CFAP70: variants seen among roughly 807,000 people sequenced by gnomAD.
The protein encoded by CFAP70 is cilia and flagella associated protein 70.
In CFAP70, 81 loss-of-function variants were observed where a neutral mutation model predicts 137.6. That is an observed-to-expected ratio of 0.59 (90% confidence interval 0.49 to 0.71). CFAP70 has a LOEUF of 0.71. Ranked by LOEUF, CFAP70 falls within the 30% of genes least tolerant of loss-of-function variation. The pLI is 0.00. For missense variants in CFAP70, 976 were observed against 1,226.7 expected (o/e 0.80, Z 3.05); for synonymous variants, 382 against 423.6 (o/e 0.90, Z 1.20).
At chr10:73,280,033 ATT>A (rs2047147066) in intron 19 of CFAP70, among the ~76,000 whole-genome samples, 1 of 152,140 alleles carries the variant, frequency 6.6e-6, no homozygotes, top group Admixed American at 6.5e-5. Flanking sequence ...CTTGTTATAA[ATT>A]TGTCTTATCA....
Position 73,275,474 on chromosome 10 carries a change from A to C in CFAP70, c.2645T>G (p.Leu882Arg), listed in dbSNP as rs1311231402. 6.2e-7 allele frequency: 1 copy of C among 1,608,782 alleles called. No homozygotes were observed. Among genetic ancestry groups the C allele is most frequent in the African/African-American group, 1.3e-5 (1 of 74,532 alleles). The stretch of plus-strand genomic sequence containing the variant: ...GTAGTCCATCTGGGCTGCTTGTTGA[A>C]GGTATTCCTCTGCCTTGGCAAAGTT... Residue 882 changes from leucine to arginine, a missense_variant, in exon 22 of 27, where the codon CTT becomes CGT. Coordinates refer to ENST00000310715, the Ensembl canonical transcript of CFAP70. This position sits in a 1 kb window ranked among gnomAD's most constrained non-coding sequence, Gnocchi z 4.0.
At chr10:73,284,997 T>A (rs892358341) in intron 19 of CFAP70, among the ~76,000 whole-genome samples, 4 of 151,564 alleles carry the variant, frequency 2.6e-5, no homozygotes, top group Non-Finnish European at 4.4e-5. Flanking sequence ...CTTCCATTAC[T>A]GTAAATTGAA....
chr10:73,335,385 A>G, intron 7 of CFAP70, 45 bp downstream of exon 8: 1 of 1,283,156 alleles, frequency 7.8e-7, no homozygotes, highest in Non-Finnish European at 1.1e-6. Flanking sequence ...CTTCCCACCT[A>G]CAAGCCTTTG....
At chr10:73,263,917 C>T (rs12416062) in intron 25 of CFAP70, among the ~76,000 whole-genome samples, 1 of 152,094 alleles carries the variant, frequency 6.6e-6, no homozygotes, top group African/African-American at 2.4e-5. Context: ...AGCAGTTGGC[C>T]TTTGACTGTA....
chr10:73,337,384 T>C (rs2052772516), intron 6 of CFAP70, among the ~76,000 whole-genome samples: 1 of 152,164 alleles, frequency 6.6e-6, no homozygotes, highest in Non-Finnish European at 1.5e-5. Flanking sequence ...TTCAGGTGGC[T>C]GAGGCATGAG....
chr10:73,327,862 T>C (rs2132268107), intron 8 of CFAP70, among the ~76,000 whole-genome samples: 1 of 152,262 alleles, frequency 6.6e-6, no homozygotes, highest in Admixed American at 6.5e-5. Context: ...TGGAAGAACA[T>C]TCCATGCTCA....
At chr10:73,335,067 T>C (rs1276834573) in intron 7 of CFAP70, among the ~76,000 whole-genome samples, 4 of 148,840 alleles carry the variant, frequency 2.7e-5, no homozygotes, top group South Asian at 2.1e-4. Context: ...CTTCTTTTTT[T>C]TTTTTTTTTT....
chr10:73,322,378 A>G (rs1338687255), intron 9 of CFAP70, among the ~76,000 whole-genome samples: 1 of 152,112 alleles, frequency 6.6e-6, no homozygotes, highest in African/African-American at 2.4e-5. Context: ...ATGTAATTAT[A>G]TAAAATGTAC....
chr10:73,278,104 T>G (rs2046929583), intron 20 of CFAP70, 75 bp downstream of exon 21: 1 of 1,455,730 alleles, frequency 6.9e-7, no homozygotes, highest in Non-Finnish European at 9.4e-7. Flanking sequence ...GGATTGCCAT[T>G]TCATCATCGT....
chr10:73,333,128 AT>A (rs1249603067), intron 7 of CFAP70, among the ~76,000 whole-genome samples: 2 of 152,168 alleles, frequency 1.3e-5, no homozygotes, highest in Admixed American at 1.3e-4. Flanking sequence ...AAAATGAATA[AT>A]TCATTTGATG....
intron 6 of CFAP70, among the ~76,000 whole-genome samples, chr10:73,340,439 A>G (rs1009644836): frequency 2.6e-5 from 4 of 152,192 alleles, no homozygotes; most frequent in African/African-American, 9.6e-5. Context: ...CCAGAAAAGT[A>G]CCATAAGTTC....
intron 5 of CFAP70, among the ~76,000 whole-genome samples, chr10:73,342,146 A>G (rs1330076468): frequency 6.6e-6 from 1 of 152,242 alleles, no homozygotes; most frequent in Non-Finnish European, 1.5e-5. Flanking sequence ...TTGGTAAAAT[A>G]TATAAGTAGG....
Position 73,272,952 on chromosome 10 carries a change from T to C in CFAP70, c.2901A>G (p.Leu967=), listed in dbSNP as rs746396970. ...CCCGATAGCAGGCGATTCCCAGTCC[T>C]AGCCAGGTAAGGCATGAAGGTGATC... The change falls in exon 24 of 27, where the codon CTA becomes CTG. Residue 967 remains leucine (L), a synonymous_variant. Coordinates refer to ENST00000310715, the Ensembl canonical transcript of CFAP70. The C allele has an allele frequency of 3.9e-6, 6 of 1,552,868 alleles. 1 individual carries two copies. The highest frequency in any genetic ancestry group is 3.4e-4 in the Middle Eastern group (2 of 5,904).
At chr10:73,310,024 C>A (rs1300117777) in intron 12 of CFAP70, 134 bp downstream of exon 13, 3 of 541,310 alleles carry the variant, frequency 5.5e-6, no homozygotes, top group Non-Finnish European at 9.6e-6. Flanking sequence ...ACAACAACAA[C>A]AAAAACTTCA....
intron 19 of CFAP70, among the ~76,000 whole-genome samples, chr10:73,289,294 A>AT (rs201639300): frequency 0.047 from 7,078 of 150,924 alleles, 503 homozygotes; most frequent in African/African-American, 0.15. Context: ...TATTATTATT[A>AT]TTTTTTTTTG....
At chr10:73,345,190 G>C in intron 4 of CFAP70, 2 of 1,614,094 alleles carry the variant, frequency 1.2e-6, no homozygotes, top group Non-Finnish European at 1.7e-6. Flanking sequence ...CCTGAGATCT[G>C]GGCTGTGGTC....
intron 11 of CFAP70, among the ~76,000 whole-genome samples, chr10:73,311,306 C>T (rs930657592): frequency 9.2e-5 from 14 of 152,210 alleles, no homozygotes; most frequent in Admixed American, 5.9e-4. Context: ...AAATGCCTCT[C>T]CCTCCATCTT....
At chr10:73,299,203 A>AGTTTGTTTGTTTGTTT (rs113530143) in intron 13 of CFAP70, 102 bp from the exon 15 acceptor site, 3 of 837,882 alleles carry the variant, frequency 3.6e-6, no homozygotes, top group African/African-American at 1.8e-5. Flanking sequence ...ATACTTTATT[A>AGTTTGTTTGTTTGTTT]GTTTGTTTGT....
chr10:73,337,220 C>T (rs1276784688), intron 6 of CFAP70, among the ~76,000 whole-genome samples: 1 of 152,182 alleles, frequency 6.6e-6, no homozygotes, highest in African/African-American at 2.4e-5. Context: ...GTGGCTTGGG[C>T]CTGTAATCCC....
Sources: gnomAD v4.1 joint callset for allele counts (sites outside exome capture counted in the v4.1 genomes callset) on GRCh38, gnomAD v4.1.1 for gene constraint, Gnocchi (gnomAD v3.1) non-coding constraint, MANE v1.5 for transcripts, NCBI Gene and HGNC (gene_info 2026-07-23, HGNC 2026-07-21) for gene names.